SYNE2: variants seen among roughly 807,000 people sequenced by gnomAD.
The protein encoded by SYNE2 is spectrin repeat containing nuclear envelope protein 2.
SYNE2 carries 431 observed loss-of-function variants against 856.3 expected under a neutral mutation model. The ratio of observed to expected loss-of-function variants is 0.50; its 90% CI spans 0.47 to 0.55. The LOEUF (loss-of-function observed/expected upper bound fraction) is 0.55. SYNE2 is among the 20% of genes least tolerant of loss of function. The pLI is 0.00. For synonymous variants in SYNE2, 2,923 were observed against 2,872.3 expected (o/e 1.02, Z -0.56); for missense variants, 8,129 against 8,023.2 (o/e 1.01, Z -0.50).
chr14:63,883,495 G>A (rs1220542924), intron 1 of SYNE2, among the ~76,000 whole-genome samples: 4 of 151,366 alleles, frequency 2.6e-5, no homozygotes, highest in African/African-American at 4.9e-5. Flanking sequence ...CTGGGACTAC[G>A]TGCACCTCCA....
Position 64,219,340 on chromosome 14 carries a change from T to A in SYNE2, c.19790T>A (p.Leu6597Gln). ...TGGCTGAAAAAAACTGAAGCAGAGC[T>A]GGAAATGTTAAAGATGGCAAAGCCT... ...TTWLKKTEAE[L>Q]EMLKMAKPPS... is the part of the protein sequence containing the mutation. Residue 6597 changes from leucine to glutamine, a missense_variant, in exon 110 of 116, where the codon CTG becomes CAG. Physicochemically the swap from Leu to Gln is moderately radical, Grantham distance 113. Coordinates refer to ENST00000555002, the MANE Select transcript of SYNE2 (RefSeq NM_182914.3). 1.9e-6 allele frequency: 3 copies of A among 1,613,988 alleles called. No individual in the cohort carries two copies. The highest frequency in any genetic ancestry group is 2.5e-6 in the Non-Finnish European group (3 of 1,180,012).
Position 64,215,174 on chromosome 14 carries a change from A to C in SYNE2, c.19334-112A>C, listed in dbSNP as rs965679522. 2.9e-6 allele frequency: 3 copies of C among 1,025,612 alleles called. No homozygotes were observed. The African/African-American group carries it at 4.8e-5, about 16-fold the overall frequency. The allele number at this position is 1,025,612 out of a possible 1,614,324, so 63.5% of individuals were successfully genotyped here. ...GTTTTCAAAATCCTTTTAATTAAAAAAATAAAGGGTAGTTTTCTCCTTCCA... is the reference window on the plus strand; with the variant it reads ...GTTTTCAAAATCCTTTTAATTAAAACAATAAAGGGTAGTTTTCTCCTTCCA... On this transcript the variant is annotated intron_variant, in intron 106 of 115. Transcript: ENST00000555002.
At chr14:63,962,217 G>A (rs768521488) in intron 9 of SYNE2, among the ~76,000 whole-genome samples, 10 of 151,718 alleles carry the variant, frequency 6.6e-5, no homozygotes, top group Non-Finnish European at 1.2e-4. Context: ...CACCATACCC[G>A]GCTGATTTTT....
intron 68 of SYNE2, 61 bp from the exon 69 acceptor site, chr14:64,121,951 C>A: frequency 6.2e-7 from 1 of 1,605,462 alleles, no homozygotes; most frequent in Non-Finnish European, 8.5e-7. Flanking sequence ...GCAGAGGAAA[C>A]TAGTGGGTAC....
chr14:64,010,683 A>G (rs1383791002), intron 32 of SYNE2, among the ~76,000 whole-genome samples: 1 of 152,132 alleles, frequency 6.6e-6, no homozygotes, highest in Non-Finnish European at 1.5e-5. Context: ...AATATACTAT[A>G]CTGCACTATA....
At chr14:64,195,435 A>G (rs2098536714) in intron 99 of SYNE2, among the ~76,000 whole-genome samples, 2 of 152,198 alleles carry the variant, frequency 1.3e-5, no homozygotes, top group South Asian at 4.1e-4. Context: ...AGCCACTGAC[A>G]AGGAGGGACT....
intron 80 of SYNE2, 130 bp from the exon 81 acceptor site, chr14:64,141,211 T>G (rs892121466): frequency 2.5e-4 from 112 of 446,188 alleles, no homozygotes; most frequent in Non-Finnish European, 3.3e-4. Flanking sequence ...GAAAAAGGGG[T>G]GTGTGTGTGT....
At chr14:64,031,837 C>A (rs1173011411) in intron 45 of SYNE2, among the ~76,000 whole-genome samples, 1 of 152,204 alleles carries the variant, frequency 6.6e-6, no homozygotes, top group East Asian at 1.9e-4. Context: ...AACATTTAGG[C>A]TCCTAGCTTT....
chr14:63,834,648 T>C (rs1214918874), intron 1 of SYNE2, among the ~76,000 whole-genome samples: 6 of 149,790 alleles, frequency 4.0e-5, no homozygotes, highest in African/African-American at 1.5e-4. Context: ...TCTTTCTTTT[T>C]TTTTTTTTTT....
intron 1 of SYNE2, among the ~76,000 whole-genome samples, chr14:63,868,032 A>T (rs1429164000): frequency 1.3e-5 from 2 of 152,208 alleles, no homozygotes; most frequent in Non-Finnish European, 2.9e-5. Context: ...CATGGACTAC[A>T]GAGTAAGACT....
Position 64,225,560 on chromosome 14 carries a change from C to T in SYNE2, c.*34C>T, listed in dbSNP as rs1232642165. On this transcript the variant is annotated 3_prime_UTR_variant, in exon 116 of 116. Transcript: ENST00000555002. Reference sequence around the variant, plus strand: ...GCTGGCCACAGTGCTACACCACCTGCCTGATTGCCAAGGGTGCCCAGCACG... The same window carrying T: ...GCTGGCCACAGTGCTACACCACCTGTCTGATTGCCAAGGGTGCCCAGCACG... 2 of 1,606,850 alleles carry T rather than the reference C, an allele frequency of 1.2e-6. No homozygotes were observed. Among genetic ancestry groups the T allele is most frequent in the African/African-American group, 1.3e-5 (1 of 74,782 alleles).
chr14:64,096,822 A>C (rs1438568806), intron 61 of SYNE2, among the ~76,000 whole-genome samples: 2 of 152,228 alleles, frequency 1.3e-5, no homozygotes, highest in East Asian at 3.8e-4. Context: ...GTTTTGTAAG[A>C]AAATTATTGC....
At chr14:63,898,056 C>G (rs1315412007) in intron 1 of SYNE2, among the ~76,000 whole-genome samples, 1 of 152,242 alleles carries the variant, frequency 6.6e-6, no homozygotes, top group Admixed American at 6.5e-5. Context: ...ATTGAAATCT[C>G]TCTGAACACA....
At chr14:64,009,922 G>A (rs1385276991) in intron 31 of SYNE2, 44 bp from the exon 32 acceptor site, 2 of 1,561,086 alleles carry the variant, frequency 1.3e-6, no homozygotes, top group African/African-American at 2.7e-5. Context: ...GAACGGTTTT[G>A]CTATTTTTGG....
At chr14:64,178,307 A>G (rs2098443711) in intron 96 of SYNE2, among the ~76,000 whole-genome samples, 1 of 152,248 alleles carries the variant, frequency 6.6e-6, no homozygotes, top group Non-Finnish European at 1.5e-5. Context: ...ACCATCACCT[A>G]GCTAAAAAAT....
At chr14:64,175,433 A>C (rs1446358395) in intron 95 of SYNE2, among the ~76,000 whole-genome samples, 2 of 152,250 alleles carry the variant, frequency 1.3e-5, no homozygotes, top group African/African-American at 4.8e-5. Flanking sequence ...TGTATGGAAC[A>C]GACAGAAACA....
At chr14:63,842,514 A>G (rs989566737) in intron 1 of SYNE2, among the ~76,000 whole-genome samples, 21 of 150,534 alleles carry the variant, frequency 1.4e-4, no homozygotes, top group African/African-American at 3.7e-4. Flanking sequence ...AGGCTGGAGC[A>G]CAATGATGTG....
At chr14:63,988,634 T>C (rs1291075247) in intron 19 of SYNE2, among the ~76,000 whole-genome samples, 2 of 152,364 alleles carry the variant, frequency 1.3e-5, no homozygotes, top group Admixed American at 1.3e-4. Flanking sequence ...TTCACCCTGC[T>C]GTTAAAGATA....
At chr14:63,889,313 T>G (rs2095073610) in intron 1 of SYNE2, among the ~76,000 whole-genome samples, 1 of 152,078 alleles carries the variant, frequency 6.6e-6, no homozygotes, top group Non-Finnish European at 1.5e-5. Flanking sequence ...TAACTTACAG[T>G]ATTTTTAAAA....
Sources: gnomAD v4.1 joint callset for allele counts (sites outside exome capture counted in the v4.1 genomes callset) on GRCh38, gnomAD v4.1.1 for gene constraint, MANE v1.5 for transcripts, NCBI Gene and HGNC (gene_info 2026-07-23, HGNC 2026-07-21) for gene names.